The following PARVA variants were observed in gnomAD, a reference collection of about 807,000 sequenced individuals.
PARVA encodes the protein alpha-parvin.
A neutral mutation model predicts 52.6 loss-of-function variants in PARVA; 25 were observed. The observed-to-expected ratio is 0.48, with a 90% confidence interval of 0.35 to 0.66. The LOEUF is 0.66. PARVA is among the 30% of genes least tolerant of loss of function. The pLI is 0.01. For missense variants in PARVA, 373 were observed against 450.9 expected, an observed-to-expected ratio of 0.83 and a Z score of 1.56; for synonymous variants, 185 against 179.1, an observed-to-expected ratio of 1.03 and a Z score of -0.26.
intron 1 of PARVA, among the ~76,000 whole-genome samples, chr11:12,420,516 T>C: frequency 6.6e-6 from 1 of 152,216 alleles, no homozygotes; most frequent in East Asian, 1.9e-4. Context: ...AGCAGACACA[T>C]GGAAAATACC....
At chr11:12,451,254 T>G (rs1412988414) in intron 1 of PARVA, among the ~76,000 whole-genome samples, 1 of 152,198 alleles carries the variant, frequency 6.6e-6, no homozygotes, top group Admixed American at 6.5e-5. Flanking sequence ...TGGTTTCTCC[T>G]GGGGCTTGTC....
At chr11:12,392,011 C>T (rs1349580556) in intron 1 of PARVA, among the ~76,000 whole-genome samples, 2 of 152,062 alleles carry the variant, frequency 1.3e-5, no homozygotes, top group South Asian at 2.1e-4. Context: ...GCAGTCACTC[C>T]TCCTCCCCTC....
intron 4 of PARVA, among the ~76,000 whole-genome samples, chr11:12,482,043 CT>C (rs1453923179): frequency 2.6e-5 from 4 of 151,234 alleles, no homozygotes; most frequent in Admixed American, 6.6e-5. Context: ...GTGGTGCATG[CT>C]ACTTGCGAGG....
chr11:12,377,519 C>T (rs746502333), upstream of PARVA: 61 of 1,424,912 alleles, frequency 4.3e-5, no homozygotes, highest in Admixed American at 3.3e-4. Context: ...CGAGCGTGAG[C>T]TGCCTCAAAT....
chr11:12,513,241 G>T, intron 8 of PARVA, 58 bp from the exon 9 acceptor site: 2 of 1,515,574 alleles, frequency 1.3e-6, no homozygotes, highest in South Asian at 1.1e-5. Context: ...GACCCAAGGT[G>T]GGCTTCCCTG....
In PARVA at chr11:12,377,619, G is replaced by C. The variant is rs376147149; in HGVS notation, c.-29G>C. The C allele has an allele frequency of 6.4e-7, 1 of 1,559,286 alleles. No homozygotes were observed. ...CCGCCCAGCGCCAGCTCCGCGTCCC[G>C]ACCGGCCCGCGGCAGCCTGCGCCGC... On this transcript the variant is annotated 5_prime_UTR_variant, in exon 1 of 13. Coordinates refer to ENST00000334956, the MANE Select transcript of PARVA (RefSeq NM_018222.5).
At chr11:12,512,541 G>A (rs982321924) in intron 8 of PARVA, among the ~76,000 whole-genome samples, 8 of 152,144 alleles carry the variant, frequency 5.3e-5, no homozygotes, top group African/African-American at 1.2e-4. Context: ...CTGAGAACAC[G>A]GAGGCTGCAG....
intron 1 of PARVA, among the ~76,000 whole-genome samples, chr11:12,393,369 G>C (rs1377838761): frequency 6.6e-6 from 1 of 152,170 alleles, no homozygotes; most frequent in Non-Finnish European, 1.5e-5. Context: ...CTTGCCCAAA[G>C]TCAAGACTAG....
At chr11:12,429,923 G>C (rs547282280) in intron 1 of PARVA, among the ~76,000 whole-genome samples, 1 of 151,932 alleles carries the variant, frequency 6.6e-6, no homozygotes, top group Non-Finnish European at 1.5e-5. Flanking sequence ...TTTGCTGATC[G>C]TATAACAGTT....
At chr11:12,498,425 C>T (rs535114747) in intron 5 of PARVA, among the ~76,000 whole-genome samples, 4 of 152,224 alleles carry the variant, frequency 2.6e-5, no homozygotes, top group South Asian at 2.1e-4. Flanking sequence ...TAATTTCTTA[C>T]GGGGAAATGT....
At chr11:12,439,156 G>A (rs1218612048) in intron 1 of PARVA, among the ~76,000 whole-genome samples, 1 of 152,210 alleles carries the variant, frequency 6.6e-6, no homozygotes, top group African/African-American at 2.4e-5. Flanking sequence ...TTTAGGAACA[G>A]TAATTCTTTT....
intron 4 of PARVA, chr11:12,479,752 T>C (rs1451546605): frequency 6.6e-6 from 1 of 152,246 alleles, no homozygotes; most frequent in African/African-American, 2.4e-5. Flanking sequence ...TACACACATA[T>C]CTGTATACAT....
chr11:12,409,494 G>A (rs1268343113), intron 1 of PARVA, among the ~76,000 whole-genome samples: 7 of 152,204 alleles, frequency 4.6e-5, no homozygotes, highest in African/African-American at 1.4e-4. Flanking sequence ...TTATCCAGGT[G>A]CACCGAATGT....
At chr11:12,387,128 C>T (rs1939584270) in intron 1 of PARVA, among the ~76,000 whole-genome samples, 1 of 152,218 alleles carries the variant, frequency 6.6e-6, no homozygotes, top group Non-Finnish European at 1.5e-5. Context: ...CAAAGAACAA[C>T]ATTTGAGGAA....
intron 1 of PARVA, among the ~76,000 whole-genome samples, chr11:12,447,424 G>C (rs866627938): frequency 5.9e-5 from 9 of 151,714 alleles, no homozygotes; most frequent in African/African-American, 1.7e-4. Context: ...GTCTTCAGCA[G>C]AGAGAGAGAG....
At chr11:12,527,667 T>A (rs1444185758) in intron 12 of PARVA, among the ~76,000 whole-genome samples, 182 bp from the exon 13 acceptor site, 1 of 152,122 alleles carries the variant, frequency 6.6e-6, no homozygotes, top group Non-Finnish European at 1.5e-5. Flanking sequence ...GGAGATGCTG[T>A]GCCCCAGCAC....
intron 1 of PARVA, among the ~76,000 whole-genome samples, chr11:12,397,835 T>C (rs1009371804): frequency 5.4e-5 from 8 of 149,068 alleles, no homozygotes; most frequent in Middle Eastern, 3.4e-3. Flanking sequence ...TTTTTTTTTT[T>C]CTTCAACTTT....
intron 1 of PARVA, among the ~76,000 whole-genome samples, chr11:12,382,985 T>C (rs961808866): frequency 1.4e-4 from 22 of 152,226 alleles, no homozygotes; most frequent in African/African-American, 4.8e-4. Context: ...CACTGGCTTT[T>C]TCAGGTTCTG....
chr11:12,465,599 C>T (rs781415900), intron 1 of PARVA, among the ~76,000 whole-genome samples: 4 of 152,136 alleles, frequency 2.6e-5, no homozygotes, highest in Admixed American at 1.3e-4. Flanking sequence ...TCCAGAATGT[C>T]GTATAATTAG....
Sources: gnomAD v4.1 joint callset for allele counts (sites outside exome capture counted in the v4.1 genomes callset) on GRCh38, gnomAD v4.1.1 for gene constraint, MANE v1.5 for transcripts, NCBI Gene and HGNC (gene_info 2026-07-23, HGNC 2026-07-21) for gene names.